The following NT5E variants were observed in gnomAD, a reference collection of about 807,000 sequenced individuals.
NT5E encodes the protein 5'-nucleotidase.
In NT5E, 53 loss-of-function variants were observed where a neutral mutation model predicts 55.1. That is an observed-to-expected ratio of 0.96 (90% CI 0.77 to 1.21). NT5E has a LOEUF of 1.21. NT5E is among the 50% of genes most tolerant of loss of function. The pLI is 0.00. For synonymous variants in NT5E, 270 were observed against 278.4 expected (o/e 0.97, Z 0.30); for missense variants, 683 against 724.3 (o/e 0.94, Z 0.65).
In NT5E at chr6:85,471,563, A is replaced by C. The variant is rs1769308603; in HGVS notation, c.751+138A>C. On this transcript the variant is annotated intron_variant, in intron 3 of 8. Transcript: ENST00000257770. ...TTATATGATCTATAATATATATGTA[A>C]TATACATTAAATGGGAACATGTGCA... 1.1e-5 allele frequency: 5 copies of C among 455,296 alleles called. No homozygotes were observed. The East Asian group carries it at 1.9e-4, about 17-fold the overall frequency. The allele number at this position is 455,296 out of a possible 1,614,324, so 28.2% of individuals were successfully genotyped here.
At chr6:85,463,403 C>A (rs989445563) in intron 1 of NT5E, among the ~76,000 whole-genome samples, 7 of 151,948 alleles carry the variant, frequency 4.6e-5, no homozygotes, top group Non-Finnish European at 7.4e-5. Context: ...ATTTAGGTAC[C>A]CCATACATTT....
intron 1 of NT5E, among the ~76,000 whole-genome samples, chr6:85,462,634 C>T (rs1374226143): frequency 2.6e-5 from 4 of 152,204 alleles, no homozygotes; most frequent in Non-Finnish European, 5.9e-5. Context: ...ACCAGGTGAG[C>T]TCTGGCACCA....
chr6:85,479,742 T>C (rs1272446866), intron 3 of NT5E, among the ~76,000 whole-genome samples: 1 of 152,184 alleles, frequency 6.6e-6, no homozygotes, highest in Non-Finnish European at 1.5e-5. Flanking sequence ...AGATGAAAAT[T>C]AGTCTCTCTC....
At chr6:85,474,515 A>C (rs1484369920) in intron 3 of NT5E, among the ~76,000 whole-genome samples, 2 of 152,232 alleles carry the variant, frequency 1.3e-5, no homozygotes, top group Non-Finnish European at 2.9e-5. Context: ...AGTCTCTGAG[A>C]AAACTGAGAT....
At chr6:85,466,925 C>G (rs1272782115) in intron 1 of NT5E, 135 bp from the exon 2 acceptor site, 11 of 816,158 alleles carry the variant, frequency 1.3e-5, no homozygotes, top group Admixed American at 2.0e-5. Flanking sequence ...CTGAATGTCC[C>G]TGGGCCTGAC....
At chr6:85,466,912 G>T in intron 1 of NT5E, 148 bp from the exon 2 acceptor site, 1 of 755,160 alleles carries the variant, frequency 1.3e-6, no homozygotes. Context: ...GCAATGTGAT[G>T]ATCTGAATGT....
rs116876859 is a variant in NT5E, at chr6:85,459,596, C to T, written c.340-7464C>T. On this transcript the variant is annotated intron_variant, in intron 1 of 8. Transcript: ENST00000257770. ...TTCCATTTCCTAGCCTAGCCCAGCC[C>T]AGTATTTTTGAAACCCAAATACCTG... is the stretch of plus-strand genomic sequence containing the variant. Among the ~76,000 whole-genome samples, 432 of 152,242 alleles carry T rather than the reference C, an allele frequency of 2.8e-3. 2 individuals carry two copies. The highest frequency in any genetic ancestry group is 0.01 in the Middle Eastern group (3 of 294).
At position 85,450,795 on chromosome 6, in the gene NT5E, C is replaced by T. The variant is rs1231921972; in HGVS notation, c.339+317C>T. 2.0e-5 allele frequency among the ~76,000 whole-genome samples: 3 copies of T among 152,196 alleles called. No homozygotes were observed. The highest frequency in any genetic ancestry group is 4.4e-5 in the Non-Finnish European group (3 of 68,030). ...TCCAGAGCTAGGGACTGAATCGGAT[C>T]CCTCACGCAGCTCTCATTTACTGCT... On this transcript the variant is annotated intron_variant, in intron 1 of 8. Transcript: ENST00000257770. This position sits in a 1 kb window ranked among gnomAD's most constrained non-coding sequence, Gnocchi z 4.0.
intron 2 of NT5E, among the ~76,000 whole-genome samples, chr6:85,470,247 T>C (rs1333851842): frequency 6.6e-6 from 1 of 152,170 alleles, no homozygotes; most frequent in African/African-American, 2.4e-5. Context: ...AGGAACCAGT[T>C]GCCTTGCTGC....
At chr6:85,463,730 A>C (rs949843208) in intron 1 of NT5E, among the ~76,000 whole-genome samples, 10 of 152,202 alleles carry the variant, frequency 6.6e-5, no homozygotes, top group Non-Finnish European at 1.5e-4. Flanking sequence ...GAGTGCCTGC[A>C]GTATGCCTCG....
chr6:85,462,279 C>A (rs186286205), intron 1 of NT5E, among the ~76,000 whole-genome samples: 3 of 152,148 alleles, frequency 2.0e-5, no homozygotes, highest in Non-Finnish European at 4.4e-5. Flanking sequence ...CTGCCTCCAG[C>A]CCTACTTTCT....
intron 3 of NT5E, among the ~76,000 whole-genome samples, chr6:85,479,303 T>C (rs999390852): frequency 6.6e-6 from 1 of 152,222 alleles, no homozygotes; most frequent in Non-Finnish European, 1.5e-5. Context: ...GCCTAGGTAT[T>C]CTTCACTCAT....
chr6:85,454,675 CT>C (rs960918643), intron 1 of NT5E, among the ~76,000 whole-genome samples: 14 of 152,110 alleles, frequency 9.2e-5, no homozygotes, highest in African/African-American at 3.4e-4. Context: ...TTGAATTAAT[CT>C]TTTTTTCCTT....
chr6:85,492,159 T>C lies in NT5E; in HGVS notation c.1543T>C (p.Leu515=), dbSNP rs1175585831. ...TGGGTTCCAGATGATAAAAGATGAA[T>C]TATTAAGACATGACTCTGGTAAGCA... ...GDGFQMIKDE[L]LRHDSGDQDI... Residue 515 remains leucine, a synonymous_variant, in exon 8 of 9, where the codon TTA becomes CTA. Transcript: ENST00000257770. The C allele has an allele frequency of 6.2e-7, 1 of 1,614,034 alleles. No individual in the cohort carries two copies. Among genetic ancestry groups the C allele is most frequent in the African/African-American group, 1.3e-5 (1 of 75,024 alleles).
chr6:85,458,209 T>C (rs1769024214), intron 1 of NT5E, among the ~76,000 whole-genome samples: 1 of 152,182 alleles, frequency 6.6e-6, no homozygotes, highest in African/African-American at 2.4e-5. Flanking sequence ...AGAGATTCTG[T>C]TTGCAATGAC....
rs1484934259 is a variant in NT5E at position 85,492,143 on chromosome 6, GA to G, written c.1528del (p.Met510Ter). 1 of 1,613,814 alleles carries G rather than the reference GA, an allele frequency of 6.2e-7. No homozygotes were observed. The highest frequency in any genetic ancestry group is 1.7e-5 in the Admixed American group (1 of 60,006). The stretch of plus-strand genomic sequence containing the variant: ...TGGCCAATGGTGGAGATGGGTTCCA[GA>G]TGATAAAAGATGAATTATTAAGACA... Reference protein sequence around the residue: ...FLANGGDGFQMIKDELLRHDS... With the variant: ...FLANGGDGFQXIKDELLRHDS... On this transcript the variant is annotated frameshift_variant, in exon 8 of 9. Transcript: ENST00000257770. LOFTEE classifies it high-confidence loss of function.
At chr6:85,489,039 TG>T (rs551016890) in intron 5 of NT5E, among the ~76,000 whole-genome samples, 75 of 152,248 alleles carry the variant, frequency 4.9e-4, no homozygotes, top group African/African-American at 1.7e-3. Context: ...ATTGCCAACT[TG>T]GGAATCAGCT....
At chr6:85,461,404 G>A (rs2127755152) in intron 1 of NT5E, among the ~76,000 whole-genome samples, 1 of 152,328 alleles carries the variant, frequency 6.6e-6, no homozygotes, top group Non-Finnish European at 1.5e-5. Flanking sequence ...AACAGCCACA[G>A]TGATAACTTT....
intron 5 of NT5E, 25 bp from the exon 6 acceptor site, chr6:85,489,469 G>C: frequency 6.7e-7 from 1 of 1,495,170 alleles, no homozygotes; most frequent in Non-Finnish European, 9.3e-7. Context: ...AGAGTAACTA[G>C]TGTAAATCTG....
Sources: allele counts gnomAD v4.1 joint callset (sites outside exome capture counted in the v4.1 genomes callset), GRCh38; gene constraint gnomAD v4.1.1; non-coding constraint Gnocchi (gnomAD v3.1); transcripts MANE v1.5; gene names NCBI Gene and HGNC (gene_info 2026-07-23, HGNC 2026-07-21).